The following EPB41L3 variants were observed in gnomAD, a reference collection of about 807,000 sequenced individuals.
EPB41L3 encodes band 4.1-like protein 3.
Under a neutral mutation model 127.1 loss-of-function variants are expected in EPB41L3, and 57 were observed. That is an observed-to-expected ratio of 0.45 (90% confidence interval 0.36 to 0.56). The LOEUF (loss-of-function observed/expected upper bound fraction) is 0.56. Among genes scored for constraint, EPB41L3 ranks in the 20% least tolerant of loss-of-function variants. The pLI, the probability that EPB41L3 is intolerant of heterozygous loss-of-function variation, is 0.00. For synonymous variants in EPB41L3, 572 were observed against 549.5 expected (o/e 1.04, Z -0.57); for missense variants, 1,273 against 1,372.2 (o/e 0.93, Z 1.14).
intron 5 of EPB41L3, among the ~76,000 whole-genome samples, chr18:5,441,754 G>A (rs187806488): frequency 1.3e-3 from 204 of 152,280 alleles, no homozygotes; most frequent in African/African-American, 4.7e-3. Context: ...GTGAGCCACC[G>A]CGCCCGGCCT....
At chr18:5,508,387 C>T (rs1333401817) in intron 1 of EPB41L3, 1 of 152,140 alleles carries the variant, frequency 6.6e-6, no homozygotes, top group Non-Finnish European at 1.5e-5. Context: ...CTGTCTAATG[C>T]CAAAACTTTT....
rs1248030415 is a variant in EPB41L3 at position 5,396,266 on chromosome 18, T to C, written c.2908A>G (p.Ile970Val). 5 of 1,614,220 alleles carry C rather than the reference T, an allele frequency of 3.1e-6. No individual in the cohort carries two copies. The East Asian group carries it at 8.9e-5, about 29-fold the overall frequency. ...ACTACTGGCACTTCCTTCGTGGAAATTTCTAGCTTTACTCCTCCCGGTGAA... is the reference window on the plus strand; with the variant it reads ...ACTACTGGCACTTCCTTCGTGGAAACTTCTAGCTTTACTCCTCCCGGTGAA... The part of the protein sequence containing the change: ...SVSPGGVKLE[I>V]STKEVPVVHT... Residue 970 changes from isoleucine to valine, a missense_variant, in exon 19 of 23, where the codon ATT (isoleucine) becomes GTT (valine). Coordinates refer to ENST00000341928, the MANE Select transcript of EPB41L3 (RefSeq NM_012307.5).
chr18:5,549,586 G>T (rs2093934286), intron 3 of EPB41L3, among the ~76,000 whole-genome samples: 1 of 152,148 alleles, frequency 6.6e-6, no homozygotes, highest in Non-Finnish European at 1.5e-5. Flanking sequence ...ATCTTAAAAA[G>T]AATAAAACTA....
At chr18:5,404,544 C>A (rs72866812) in intron 16 of EPB41L3, among the ~76,000 whole-genome samples, 3,547 of 152,246 alleles carry the variant, frequency 0.023, 67 homozygotes, top group South Asian at 0.071. Flanking sequence ...TCAGTATATT[C>A]AAAGTACTCC....
intron 3 of EPB41L3, among the ~76,000 whole-genome samples, chr18:5,607,034 C>A (rs1428075359): frequency 6.6e-6 from 1 of 152,010 alleles, no homozygotes; most frequent in African/African-American, 2.4e-5. Flanking sequence ...GTCTATTTTA[C>A]TGAAAAATAA....
intron 3 of EPB41L3, among the ~76,000 whole-genome samples, chr18:5,607,561 C>G (rs1442576543): frequency 6.6e-6 from 1 of 152,116 alleles, no homozygotes; most frequent in African/African-American, 2.4e-5. Flanking sequence ...CCCCAACACT[C>G]AATAACAAGA....
At chr18:5,567,598 A>T (rs528784444) in intron 3 of EPB41L3, among the ~76,000 whole-genome samples, 1 of 152,240 alleles carries the variant, frequency 6.6e-6, no homozygotes, top group East Asian at 1.9e-4. Flanking sequence ...AGAGAAAGAA[A>T]GGAGAAGAGA....
At chr18:5,447,349 C>A (rs1003579548) in intron 3 of EPB41L3, among the ~76,000 whole-genome samples, 4 of 151,722 alleles carry the variant, frequency 2.6e-5, no homozygotes, top group African/African-American at 9.7e-5. Context: ...GAGCACATAT[C>A]CAACTCCTGG....
intron 12 of EPB41L3, 142 bp from the exon 13 acceptor site, chr18:5,416,520 G>C: frequency 3.7e-6 from 3 of 805,546 alleles, no homozygotes; most frequent in Non-Finnish European, 5.7e-6. Context: ...GGTTGCTCAT[G>C]AATGTTAAAG....
At chr18:5,506,095 T>C (rs1045409269) in intron 1 of EPB41L3, among the ~76,000 whole-genome samples, 1 of 151,718 alleles carries the variant, frequency 6.6e-6, no homozygotes. Context: ...CATCACGCCT[T>C]CTCCTCGCCT....
chr18:5,499,636 G>A (rs1203655443), intron 1 of EPB41L3, among the ~76,000 whole-genome samples: 9 of 151,662 alleles, frequency 5.9e-5, no homozygotes, highest in Admixed American at 2.6e-4. Flanking sequence ...GCGTGGTGGC[G>A]GGCGCCTGTA....
chr18:5,545,254 C>G (rs2093857357), upstream of EPB41L3, among the ~76,000 whole-genome samples: 1 of 152,138 alleles, frequency 6.6e-6, no homozygotes, highest in African/African-American at 2.4e-5. Flanking sequence ...GGTTGCCCCT[C>G]CAGGAGCTCA....
At chr18:5,416,638 C>T (rs145157505) in intron 12 of EPB41L3, among the ~76,000 whole-genome samples, 1 of 152,224 alleles carries the variant, frequency 6.6e-6, no homozygotes, top group Non-Finnish European at 1.5e-5. Context: ...TATTTGTGGG[C>T]AATCCCAAAG....
At chr18:5,450,928 G>C (rs7233968) in intron 3 of EPB41L3, among the ~76,000 whole-genome samples, 49,629 of 151,934 alleles carry the variant, frequency 0.33, 8,914 homozygotes, top group East Asian at 0.47. Context: ...ACTTCGTCAG[G>C]TTCCGGTTTG....
At chr18:5,438,151 T>A in intron 5 of EPB41L3, 41 bp from the exon 6 acceptor site, 1 of 1,583,086 alleles carries the variant, frequency 6.3e-7, no homozygotes, top group Non-Finnish European at 8.6e-7. Context: ...CCTTGAGAAA[T>A]TCTTATGACT....
intron 1 of EPB41L3, among the ~76,000 whole-genome samples, chr18:5,514,515 T>C (rs1158074890): frequency 1.4e-5 from 2 of 145,452 alleles, no homozygotes; most frequent in Non-Finnish European, 3.0e-5. Context: ...CCAAAGTAGT[T>C]TTCTCCTTTT....
intron 1 of EPB41L3, among the ~76,000 whole-genome samples, chr18:5,510,506 G>C (rs1466352848): frequency 6.6e-6 from 1 of 152,202 alleles, no homozygotes; most frequent in Non-Finnish European, 1.5e-5. Context: ...TTAGCATCCT[G>C]AATGCACAAT....
intron 12 of EPB41L3, among the ~76,000 whole-genome samples, chr18:5,418,287 C>A (rs774351417): frequency 6.6e-6 from 1 of 152,168 alleles, no homozygotes. Context: ...CAAGTGAGGA[C>A]AGCTTAGTGC....
At chr18:5,510,147 A>G (rs1311929669) in intron 1 of EPB41L3, among the ~76,000 whole-genome samples, 1 of 152,226 alleles carries the variant, frequency 6.6e-6, no homozygotes. Context: ...ACTAGTATCA[A>G]TGACTCAGGC....
Sources: allele counts gnomAD v4.1 joint callset (sites outside exome capture counted in the v4.1 genomes callset), GRCh38; gene constraint gnomAD v4.1.1; transcripts MANE v1.5; gene names NCBI Gene and HGNC (gene_info 2026-07-23, HGNC 2026-07-21).